SRD5A1: variants seen among roughly 807,000 people sequenced by gnomAD.
SRD5A1 encodes the protein steroid 5 alpha-reductase 1, also known as 3-oxo-5-alpha-steroid 4-dehydrogenase 1.
SRD5A1 carries 22 observed loss-of-function variants against 28.2 expected under a neutral mutation model. The ratio of observed to expected loss-of-function variants is 0.78; its 90% confidence interval spans 0.56 to 1.12. The LOEUF is 1.12. SRD5A1 is among the 50% of genes most tolerant of loss of function. The pLI, the probability that SRD5A1 is intolerant of heterozygous loss-of-function variation, is 0.00. For missense variants in SRD5A1, 300 were observed against 346.7 expected (o/e 0.87, Z 1.07); for synonymous variants, 151 against 135.0 (o/e 1.12, Z -0.82).
intron 4 of SRD5A1, 29 bp from the exon 5 acceptor site, chr5:6,668,170 AATT>A: frequency 7.3e-7 from 1 of 1,369,996 alleles, no homozygotes; most frequent in Non-Finnish European, 1.0e-6. Context: ...TAAGCGACAG[AATT>A]ATTTCCTTTT....
At chr5:6,645,445 G>C (rs555011890) in intron 1 of SRD5A1, 2 of 159,712 alleles carry the variant, frequency 1.3e-5, no homozygotes, top group East Asian at 3.7e-4. Context: ...TTCGAGAACA[G>C]CCTGACCAAC....
intron 3 of SRD5A1, among the ~76,000 whole-genome samples, chr5:6,656,908 G>A (rs940349408): frequency 3.9e-5 from 6 of 152,118 alleles, no homozygotes; most frequent in Admixed American, 6.5e-5. Context: ...GAGGGAGAGC[G>A]TAATTCAACA....
chr5:6,648,308 A>T (rs1447968357), intron 1 of SRD5A1, among the ~76,000 whole-genome samples: 1 of 152,072 alleles, frequency 6.6e-6, no homozygotes, highest in Non-Finnish European at 1.5e-5. Flanking sequence ...GTATTTCCTG[A>T]ATTTGAATGT....
chr5:6,660,362 A>G lies in SRD5A1; in HGVS notation c.563-2454A>G, dbSNP rs552345824. Among the ~76,000 whole-genome samples the G allele has an allele frequency of 6.6e-5, 10 of 152,370 alleles. No individual in the cohort carries two copies. The East Asian group carries it at 1.9e-3, about 29-fold the overall frequency. Reference sequence around the variant, plus strand: ...AAGGTTCACTGAGCAGGCGGCATGCAGGAAGGCATCGTGGCCCCAGCCCTG... The same window carrying G: ...AAGGTTCACTGAGCAGGCGGCATGCGGGAAGGCATCGTGGCCCCAGCCCTG... On this transcript the variant is annotated intron_variant, in intron 3 of 4. Transcript: ENST00000274192.
chr5:6,643,842 C>T (rs1738431724), intron 1 of SRD5A1, among the ~76,000 whole-genome samples: 1 of 152,220 alleles, frequency 6.6e-6, no homozygotes, highest in African/African-American at 2.4e-5. Context: ...CTGCCTTGGC[C>T]TCTGTGCCTT....
At chr5:6,667,182 A>G (rs931922701) in intron 4 of SRD5A1, among the ~76,000 whole-genome samples, 3 of 152,238 alleles carry the variant, frequency 2.0e-5, no homozygotes, top group African/African-American at 7.2e-5. Flanking sequence ...ATGCGCCACC[A>G]CTGAGCCACG....
At chr5:6,664,123 T>C (rs931460869) in intron 4 of SRD5A1, among the ~76,000 whole-genome samples, 2 of 152,192 alleles carry the variant, frequency 1.3e-5, no homozygotes, top group African/African-American at 4.8e-5. Context: ...ACATTTACTA[T>C]GTCCCCTGAG....
rs1025038255 is a variant in SRD5A1 at position 6,646,168 on chromosome 5, A to G, written c.294-5674A>G. On this transcript the variant is annotated intron_variant, in intron 1 of 4. Transcript: ENST00000274192. ...CATCATCCATGTCCCTGCAAAGGAT[A>G]TGAACTCATCCTTTTTTATGGATGC... is the stretch of plus-strand genomic sequence containing the variant. 3.9e-5 allele frequency among the ~76,000 whole-genome samples: 6 copies of G among 152,236 alleles called. 1 individual carries two copies. The highest frequency in any genetic ancestry group is 8.8e-5 in the Non-Finnish European group (6 of 68,050).
chr5:6,652,244 C>T (rs912368125), intron 2 of SRD5A1, among the ~76,000 whole-genome samples: 1 of 152,216 alleles, frequency 6.6e-6, no homozygotes, highest in African/African-American at 2.4e-5. Context: ...AGCACAGGTG[C>T]CTGGTCAGGC....
intron 3 of SRD5A1, among the ~76,000 whole-genome samples, chr5:6,661,739 G>A (rs1410981061): frequency 6.6e-6 from 1 of 151,996 alleles, no homozygotes. Flanking sequence ...CACCATGTTG[G>A]CCAGGCTGGT....
At chr5:6,663,324 G>A (rs1424141028) in intron 4 of SRD5A1, among the ~76,000 whole-genome samples, 1 of 152,246 alleles carries the variant, frequency 6.6e-6, no homozygotes, top group Non-Finnish European at 1.5e-5. Context: ...GAATGCTGCA[G>A]GTTGAGGAAG....
intron 1 of SRD5A1, among the ~76,000 whole-genome samples, chr5:6,639,861 A>G (rs1738309174): frequency 6.6e-6 from 1 of 152,270 alleles, no homozygotes; most frequent in African/African-American, 2.4e-5. Flanking sequence ...AAAGTTGCCT[A>G]TAATTTCATC....
chr5:6,667,373 AC>A (rs1435188535), intron 4 of SRD5A1, among the ~76,000 whole-genome samples: 1 of 152,184 alleles, frequency 6.6e-6, no homozygotes, highest in Non-Finnish European at 1.5e-5. Context: ...CCGGTGTTAA[AC>A]TTAACTAAGA....
intron 3 of SRD5A1, among the ~76,000 whole-genome samples, chr5:6,659,859 A>ACT (rs966167487): frequency 9.9e-5 from 15 of 151,670 alleles, no homozygotes; most frequent in African/African-American, 3.6e-4. Context: ...CCCCATGAAG[A>ACT]CTCCACCATG....
At chr5:6,664,913 C>T (rs952363360) in intron 4 of SRD5A1, among the ~76,000 whole-genome samples, 2 of 152,210 alleles carry the variant, frequency 1.3e-5, no homozygotes, top group African/African-American at 4.8e-5. Context: ...GAGTGAGTGC[C>T]GAAGGCAGAG....
chr5:6,643,507 G>A (rs1403517460), intron 1 of SRD5A1, among the ~76,000 whole-genome samples: 1 of 152,098 alleles, frequency 6.6e-6, no homozygotes, highest in Non-Finnish European at 1.5e-5. Flanking sequence ...GTTTCGCCAT[G>A]TTGCCCAGGC....
In SRD5A1 at chr5:6,673,613, C is replaced by A. The variant is rs1739424223; in HGVS notation, c.*5345C>A. 6.6e-6 allele frequency: 1 copy of A among 152,190 alleles called. No homozygotes were observed. The highest frequency in any genetic ancestry group is 2.1e-4 in the South Asian group (1 of 4,834). 9.4% of individuals were successfully genotyped at this position (152,190 alleles called of 1,614,324 possible). A position where few individuals can be genotyped will look rare whatever the true frequency, so the allele number is the denominator to read the frequency against. On this transcript the variant is annotated 3_prime_UTR_variant, in exon 5 of 5. Coordinates refer to ENST00000274192, the MANE Select transcript of SRD5A1 (RefSeq NM_001047.4). Reference sequence around the variant, plus strand: ...CCCAAAGGAGTTGAAAACATGTCCACACAGAAAACCTGCACATGAATGTTT... The same window carrying A: ...CCCAAAGGAGTTGAAAACATGTCCAAACAGAAAACCTGCACATGAATGTTT...
At chr5:6,638,847 C>G (rs1316283598) in intron 1 of SRD5A1, among the ~76,000 whole-genome samples, 1 of 152,134 alleles carries the variant, frequency 6.6e-6, no homozygotes, top group African/African-American at 2.4e-5. Context: ...AGGAACAGAC[C>G]CAAATCTAGG....
chr5:6,660,007 G>T (rs943966253), intron 3 of SRD5A1, among the ~76,000 whole-genome samples: 5 of 152,138 alleles, frequency 3.3e-5, no homozygotes, highest in Non-Finnish European at 7.4e-5. Context: ...GAAACGCTTC[G>T]CAGGACTCTG....
Sources: gnomAD v4.1 joint callset for allele counts (sites outside exome capture counted in the v4.1 genomes callset) on GRCh38, gnomAD v4.1.1 for gene constraint, MANE v1.5 for transcripts, NCBI Gene and HGNC (gene_info 2026-07-23, HGNC 2026-07-21) for gene names.